CTNNA3: variants seen among roughly 807,000 people sequenced by gnomAD.
CTNNA3 encodes the protein catenin alpha 3, also known as catenin alpha-3.
Under a neutral mutation model 95.7 loss-of-function variants are expected in CTNNA3, and 76 were observed. The observed-to-expected ratio is 0.79, with a 90% CI of 0.66 to 0.96. The LOEUF (loss-of-function observed/expected upper bound fraction) is 0.96. CTNNA3 is among the 40% of genes least tolerant of loss of function. The pLI, the probability that CTNNA3 is intolerant of heterozygous loss-of-function variation, is 0.00. For missense variants in CTNNA3, 1,191 were observed against 1,089.8 expected, an observed-to-expected ratio of 1.09 and a Z score of -1.31; for synonymous variants, 431 against 374.4, an observed-to-expected ratio of 1.15 and a Z score of -1.74.
intron 15 of CTNNA3, among the ~76,000 whole-genome samples, chr10:66,045,576 G>T (rs187919227): frequency 6.6e-6 from 1 of 152,260 alleles, no homozygotes; most frequent in African/African-American, 2.4e-5. Flanking sequence ...AATAGAAGGT[G>T]CTCTAACTCC....
At chr10:66,006,522 ACATTAAT>A (rs1223698569) in intron 15 of CTNNA3, among the ~76,000 whole-genome samples, 5 of 152,144 alleles carry the variant, frequency 3.3e-5, no homozygotes, top group African/African-American at 1.2e-4. Context: ...CTGAGTGTGC[ACATTAAT>A]CAAAGCCAAT....
intron 9 of CTNNA3, among the ~76,000 whole-genome samples, chr10:66,676,088 G>A (rs942665553): frequency 6.7e-6 from 1 of 149,114 alleles, no homozygotes; most frequent in African/African-American, 2.4e-5. Context: ...ATTTCTACAT[G>A]TTAGAGTTAA....
intron 5 of CTNNA3, among the ~76,000 whole-genome samples, chr10:67,470,528 G>T (rs554977436): frequency 4.6e-5 from 7 of 151,968 alleles, no homozygotes; most frequent in African/African-American, 1.7e-4. Context: ...TTTTTTAAAG[G>T]CACATTATAT....
chr10:66,875,000 G>A (rs1180611699), intron 7 of CTNNA3, among the ~76,000 whole-genome samples: 6 of 152,182 alleles, frequency 3.9e-5, no homozygotes, highest in Non-Finnish European at 8.8e-5. Flanking sequence ...CTGCCACAGT[G>A]CTATGAAGGA....
Position 65,917,113 on chromosome 10 carries a change from G to A in CTNNA3, c.*3217C>T, listed in dbSNP as rs1589126290. On this transcript the variant is annotated 3_prime_UTR_variant, in exon 18 of 18. Coordinates refer to ENST00000433211, the MANE Select transcript of CTNNA3 (RefSeq NM_013266.4). ...TTCCCTGTACATAAGAGATTTTTAT[G>A]GGGAACAAATATGTTATATTGATCT... The A allele has an allele frequency of 6.6e-6, 1 of 152,254 alleles. No individual in the cohort carries two copies. The highest frequency in any genetic ancestry group is 3.4e-3 in the Middle Eastern group (1 of 294). The allele number at this position is 152,254 out of a possible 1,614,324, so 9.4% of individuals were successfully genotyped here. A position where few individuals can be genotyped will look rare whatever the true frequency, so the allele number is the denominator to read the frequency against.
At chr10:67,271,027 G>A (rs1014649560) in intron 5 of CTNNA3, among the ~76,000 whole-genome samples, 3 of 152,098 alleles carry the variant, frequency 2.0e-5, no homozygotes, top group African/African-American at 7.2e-5. Flanking sequence ...CAATCTAGTG[G>A]ACTGTAATTC....
At chr10:67,700,464 T>G (rs1380587058), upstream of CTNNA3, among the ~76,000 whole-genome samples, 3 of 152,160 alleles carry the variant, frequency 2.0e-5, no homozygotes, top group Admixed American at 1.3e-4. Flanking sequence ...GCATTCACGG[T>G]TCACGAAAAT....
At chr10:65,993,260 G>A (rs978791062) in intron 15 of CTNNA3, among the ~76,000 whole-genome samples, 8 of 152,220 alleles carry the variant, frequency 5.3e-5, no homozygotes, top group African/African-American at 1.9e-4. Flanking sequence ...TTAGGCCAAT[G>A]TGGTCTAAAG....
intron 12 of CTNNA3, among the ~76,000 whole-genome samples, chr10:66,370,140 G>A (rs903105617): frequency 7.9e-5 from 12 of 152,076 alleles, no homozygotes; most frequent in Admixed American, 7.2e-4. Flanking sequence ...TAATATCTTG[G>A]TTTATTCTCC....
chr10:66,085,397 TGGACCACA>T (rs1167700210), intron 14 of CTNNA3, among the ~76,000 whole-genome samples: 1 of 152,138 alleles, frequency 6.6e-6, no homozygotes, highest in African/African-American at 2.4e-5. Context: ...TTCAATCACC[TGGACCACA>T]GAAATTCTCA....
At chr10:66,452,522 CT>C (rs2093471123) in intron 11 of CTNNA3, among the ~76,000 whole-genome samples, 1 of 152,112 alleles carries the variant, frequency 6.6e-6, no homozygotes, top group African/African-American at 2.4e-5. Context: ...TATGGCCTAA[CT>C]TTGGAACAAA....
intron 7 of CTNNA3, among the ~76,000 whole-genome samples, chr10:67,150,830 A>G (rs965460472): frequency 1.3e-5 from 2 of 152,160 alleles, no homozygotes; most frequent in African/African-American, 4.8e-5. Flanking sequence ...CAGATTTATC[A>G]GCCTTATTTT....
intron 7 of CTNNA3, among the ~76,000 whole-genome samples, chr10:66,861,830 C>T (rs558060333): frequency 6.6e-6 from 1 of 152,294 alleles, no homozygotes; most frequent in South Asian, 2.1e-4. Context: ...AATTATCTTA[C>T]TTGTTTCTTT....
intron 11 of CTNNA3, among the ~76,000 whole-genome samples, chr10:66,520,248 T>A (rs1271295953): frequency 1.1e-5 from 1 of 92,576 alleles, no homozygotes; most frequent in East Asian, 3.2e-3. Context: ...TATTATTCTT[T>A]TTTTTTTTTT....
At chr10:66,524,963 T>A (rs1261486180) in intron 10 of CTNNA3, among the ~76,000 whole-genome samples, 3 of 151,890 alleles carry the variant, frequency 2.0e-5, no homozygotes, top group African/African-American at 7.3e-5. Flanking sequence ...GCAGGAGAAT[T>A]GCTTGAACCA....
At chr10:67,285,077 T>A (rs755906588) in intron 5 of CTNNA3, among the ~76,000 whole-genome samples, 2 of 152,220 alleles carry the variant, frequency 1.3e-5, no homozygotes, top group African/African-American at 2.4e-5. Flanking sequence ...TATTTACTCA[T>A]TTCTCTGAGC....
At chr10:66,869,822 T>C (rs566074965) in intron 7 of CTNNA3, among the ~76,000 whole-genome samples, 18 of 152,268 alleles carry the variant, frequency 1.2e-4, no homozygotes, top group Admixed American at 3.3e-4. Flanking sequence ...CCAAGTATAA[T>C]AGCTGAGTGT....
intron 5 of CTNNA3, among the ~76,000 whole-genome samples, chr10:67,221,685 C>T (rs1455134001): frequency 2.6e-5 from 4 of 152,128 alleles, no homozygotes; most frequent in East Asian, 1.9e-4. Flanking sequence ...TGCAGTTCTC[C>T]TGCCTCGGCC....
At chr10:66,237,109 A>G (rs10822768) in intron 13 of CTNNA3, among the ~76,000 whole-genome samples, 122,802 of 152,014 alleles carry the variant, frequency 0.81, 49,945 homozygotes, top group South Asian at 0.94. Flanking sequence ...GAGCAAGGTC[A>G]TGTCTGAAAA....
Sources: allele counts gnomAD v4.1 joint callset (sites outside exome capture counted in the v4.1 genomes callset), GRCh38; gene constraint gnomAD v4.1.1; transcripts MANE v1.5; gene names NCBI Gene and HGNC (gene_info 2026-07-23, HGNC 2026-07-21).